The following NOX3 variants were observed in gnomAD, a reference collection of about 807,000 sequenced individuals.
The protein encoded by NOX3 is NADPH oxidase catalytic subunit-like 3.
NOX3 carries 74 observed loss-of-function variants against 76.7 expected under a neutral mutation model. That is an observed-to-expected ratio of 0.96 (90% CI 0.80 to 1.17). The LOEUF (loss-of-function observed/expected upper bound fraction) is 1.17, where lower values mean the gene tolerates loss of function less well. NOX3 is among the 50% of genes most tolerant of loss of function. NOX3 has a pLI of 0.00. For synonymous variants in NOX3, 263 were observed against 261.1 expected (o/e 1.01, Z -0.07); for missense variants, 695 against 703.3 (o/e 0.99, Z 0.13).
chr6:155,437,001 G>A (rs1776913097), intron 6 of NOX3, among the ~76,000 whole-genome samples: 1 of 152,144 alleles, frequency 6.6e-6, no homozygotes, highest in African/African-American at 2.4e-5. Flanking sequence ...AAGTGAAGGA[G>A]TCAAAATACC....
At chr6:155,430,659 C>A (rs751755550) in intron 8 of NOX3, among the ~76,000 whole-genome samples, 184 bp downstream of exon 8, 1 of 151,986 alleles carries the variant, frequency 6.6e-6, no homozygotes, top group African/African-American at 2.4e-5. Context: ...GAGCCCTGAT[C>A]CCTGTCTTCA....
chr6:155,454,694 A>T, intron 3 of NOX3, 117 bp downstream of exon 3: 2 of 639,534 alleles, frequency 3.1e-6, no homozygotes, highest in East Asian at 5.9e-5. Context: ...TCTAACAAAG[A>T]AACCCAAGTT....
intron 6 of NOX3, among the ~76,000 whole-genome samples, chr6:155,438,019 C>CA (rs1203001166): frequency 7.2e-5 from 11 of 152,212 alleles, no homozygotes; most frequent in African/African-American, 2.4e-4. Flanking sequence ...ATTTGGATAT[C>CA]AAAAATATCT....
rs201906794 is a variant in NOX3 at position 155,432,572 on chromosome 6, AC to A, written c.799-1638del. On this transcript the variant is annotated intron_variant, in intron 7 of 13. Transcript: ENST00000159060. ...GCATTATTTTTACTTCCTTTGAGTC[AC>A]CTTTCTCGTTTTGTCTATTGCTTTT... Among the ~76,000 whole-genome samples the A allele has an allele frequency of 5.0e-3, 765 of 152,102 alleles. 15 individuals carry two copies. The highest frequency in any genetic ancestry group is 0.017 in the African/African-American group (708 of 41,492).
chr6:155,452,401 C>T (rs923459388), intron 4 of NOX3, among the ~76,000 whole-genome samples: 1 of 152,154 alleles, frequency 6.6e-6, no homozygotes, highest in African/African-American at 2.4e-5. Flanking sequence ...TATCTCTGAG[C>T]TGGTTTTCTC....
In NOX3 at chr6:155,443,309, G is replaced by A. The variant is rs774496858; in HGVS notation, c.450C>T (p.Asn150=). ...AALSKLGNTP[N]ESYLNPVRTF... ...TCCGGACAGGGTTGAGGTAGCTCTC[G>A]TTAGGGGTGTTGCCCAGCTTGGAAA... Residue 150 remains asparagine (N), a synonymous_variant, in exon 5 of 14, where the codon AAC becomes AAT. Coordinates refer to ENST00000159060, the MANE Select transcript of NOX3 (RefSeq NM_015718.3). 4 of 1,614,120 alleles carry A rather than the reference G, an allele frequency of 2.5e-6. No homozygotes were observed. Among genetic ancestry groups the A allele is most frequent in the Non-Finnish European group, 3.4e-6 (4 of 1,179,986 alleles).
At chr6:155,402,347 G>A (rs1263949435) in intron 12 of NOX3, among the ~76,000 whole-genome samples, 1 of 152,138 alleles carries the variant, frequency 6.6e-6, no homozygotes, top group African/African-American at 2.4e-5. Context: ...ATGTGAATTT[G>A]AATATATCAA....
At chr6:155,400,450 C>T (rs886471638) in intron 12 of NOX3, among the ~76,000 whole-genome samples, 7 of 152,250 alleles carry the variant, frequency 4.6e-5, no homozygotes, top group Non-Finnish European at 8.8e-5. Context: ...AGAAGCTTCC[C>T]GTGGATTTAT....
At chr6:155,426,006 C>A (rs1416298797) in intron 9 of NOX3, among the ~76,000 whole-genome samples, 1 of 152,078 alleles carries the variant, frequency 6.6e-6, no homozygotes, top group Non-Finnish European at 1.5e-5. Context: ...GTCTGGGATC[C>A]AAAGCAGTAA....
intron 10 of NOX3, among the ~76,000 whole-genome samples, chr6:155,417,697 C>G (rs1223415149): frequency 6.6e-6 from 1 of 152,168 alleles, no homozygotes; most frequent in African/African-American, 2.4e-5. Context: ...TAAATAATTT[C>G]TCAAAGTAAA....
At chr6:155,397,647 G>A (rs954023678) in intron 12 of NOX3, among the ~76,000 whole-genome samples, 7 of 152,124 alleles carry the variant, frequency 4.6e-5, no homozygotes, top group Admixed American at 2.6e-4. Context: ...TAAGGACTAC[G>A]TTGTATGTTT....
chr6:155,401,922 G>A (rs1400659339), intron 12 of NOX3, among the ~76,000 whole-genome samples: 1 of 152,072 alleles, frequency 6.6e-6, no homozygotes, highest in African/African-American at 2.4e-5. Flanking sequence ...ATTATCTGAA[G>A]GGTAAGATCA....
At chr6:155,436,893 A>T (rs1027613116) in intron 6 of NOX3, among the ~76,000 whole-genome samples, 2 of 152,166 alleles carry the variant, frequency 1.3e-5, no homozygotes, top group African/African-American at 4.8e-5. Flanking sequence ...CTGATTGCTG[A>T]TTTGGGCTAA....
At chr6:155,398,805 T>C (rs1438002317) in intron 12 of NOX3, among the ~76,000 whole-genome samples, 3 of 152,208 alleles carry the variant, frequency 2.0e-5, no homozygotes, top group Admixed American at 6.5e-5. Context: ...GCCCCCAGTT[T>C]CTCATCTATA....
At chr6:155,447,653 C>T (rs529962144) in intron 4 of NOX3, among the ~76,000 whole-genome samples, 3 of 152,300 alleles carry the variant, frequency 2.0e-5, no homozygotes, top group South Asian at 2.1e-4. Context: ...CCCTTGCTCT[C>T]GCTACCTCCA....
At chr6:155,449,722 G>A (rs898581726) in intron 4 of NOX3, among the ~76,000 whole-genome samples, 2 of 152,132 alleles carry the variant, frequency 1.3e-5, no homozygotes, top group Admixed American at 1.3e-4. Flanking sequence ...AGCTTACAGG[G>A]GAACGGATGA....
intron 9 of NOX3, among the ~76,000 whole-genome samples, chr6:155,425,468 C>G (rs928324940): frequency 1.3e-5 from 2 of 152,122 alleles, no homozygotes; most frequent in African/African-American, 4.8e-5. Context: ...AGCACCCCAC[C>G]CTACCCCATT....
chr6:155,434,239 T>C (rs1776872499), intron 7 of NOX3, among the ~76,000 whole-genome samples: 1 of 152,240 alleles, frequency 6.6e-6, no homozygotes, highest in Non-Finnish European at 1.5e-5. Flanking sequence ...GGCTTTCTCC[T>C]TTACCACTAA....
At position 155,396,923 on chromosome 6, in the gene NOX3, G is replaced by C. The variant is rs1779146879; in HGVS notation, c.1620C>G (p.Leu540=). 6.2e-7 allele frequency: 1 copy of C among 1,613,402 alleles called. No homozygotes were observed. Among genetic ancestry groups the C allele is most frequent in the Non-Finnish European group, 8.5e-7 (1 of 1,179,482 alleles). ...GGCACATCTTTTGAAGTGTCCTCGA[G>C]AGAGCTTTAGGTCCACAGAAGAACA... ...IGVFFCGPKA[L]SRTLQKMCHL... is the part of the protein sequence containing the mutation. The change falls in exon 13 of 14, where the codon CTC becomes CTG. Residue 540 remains leucine (L), a synonymous_variant. Coordinates refer to ENST00000159060, the MANE Select transcript of NOX3 (RefSeq NM_015718.3).
Sources: allele counts gnomAD v4.1 joint callset (sites outside exome capture counted in the v4.1 genomes callset), GRCh38; gene constraint gnomAD v4.1.1; transcripts MANE v1.5; gene names NCBI Gene and HGNC (gene_info 2026-07-23, HGNC 2026-07-21).